The following SHCBP1L variants were observed in gnomAD, a reference collection of about 807,000 sequenced individuals.
SHCBP1L encodes testicular spindle-associated protein SHCBP1L.
A neutral mutation model predicts 62.5 loss-of-function variants in SHCBP1L; 67 were observed. The observed-to-expected ratio is 1.07, with a 90% CI of 0.88 to 1.31. The LOEUF (loss-of-function observed/expected upper bound fraction) is 1.31. SHCBP1L is among the 40% of genes most tolerant of loss of function. The probability of loss-of-function intolerance (pLI) is 0.00; values close to 1 mark genes in which losing one functional copy is unlikely to be tolerated. For synonymous variants in SHCBP1L, 284 were observed against 289.4 expected (o/e 0.98, Z 0.19); for missense variants, 823 against 809.8 (o/e 1.02, Z -0.20).
intron 5 of SHCBP1L, among the ~76,000 whole-genome samples, chr1:182,931,247 A>C (rs1359839430): frequency 6.7e-6 from 1 of 149,674 alleles, no homozygotes; most frequent in Non-Finnish European, 1.5e-5. Context: ...CCATTCATAC[A>C]CTTTTTTTTT....
Position 182,953,000 on chromosome 1 carries a change from A to ATCGCGGTGCCCTTCAGGGTGG in SHCBP1L, c.113_133dup (p.Thr38_Ala44dup). Reference sequence around the variant, plus strand: ...GGAGGCCACCACCGACCGCACTGGGATCGCGGTGCCCTTCAGGGTGGTCGC... The same window carrying ATCGCGGTGCCCTTCAGGGTGG: ...GGAGGCCACCACCGACCGCACTGGGATCGCGGTGCCCTTCAGGGTGGTCGCGGTGCCCTTCAGGGTGGTCGC... On this transcript the variant is annotated inframe_insertion, in exon 1 of 10. Transcript: ENST00000367547. 2 of 1,543,016 alleles carry ATCGCGGTGCCCTTCAGGGTGG rather than the reference A, an allele frequency of 1.3e-6. No homozygotes were observed. The highest frequency in any genetic ancestry group is 1.7e-6 in the Non-Finnish European group (2 of 1,148,074).
At chr1:182,921,227 T>A (rs545052901) in intron 6 of SHCBP1L, among the ~76,000 whole-genome samples, 1 of 152,100 alleles carries the variant, frequency 6.6e-6, no homozygotes, top group African/African-American at 2.4e-5. Flanking sequence ...CATTCAGCAA[T>A]CTTAAAGAAA....
intron 6 of SHCBP1L, among the ~76,000 whole-genome samples, chr1:182,924,161 C>T (rs1650602231): frequency 6.6e-6 from 1 of 152,038 alleles, no homozygotes; most frequent in South Asian, 2.1e-4. Context: ...AAATAAAATA[C>T]CTAGGAATAC....
intron 6 of SHCBP1L, among the ~76,000 whole-genome samples, chr1:182,913,362 T>C (rs776969402): frequency 6.6e-6 from 1 of 152,120 alleles, no homozygotes; most frequent in Non-Finnish European, 1.5e-5. Flanking sequence ...CTATCTACTG[T>C]ATGCTGAAAT....
At chr1:182,912,161 G>A (rs369791466) in intron 6 of SHCBP1L, among the ~76,000 whole-genome samples, 3 of 152,116 alleles carry the variant, frequency 2.0e-5, no homozygotes, top group African/African-American at 4.8e-5. Flanking sequence ...ACCAGATTCC[G>A]CCAGGCACGG....
At chr1:182,936,182 C>T (rs1371284712) in intron 5 of SHCBP1L, among the ~76,000 whole-genome samples, 2 of 119,524 alleles carry the variant, frequency 1.7e-5, no homozygotes, top group African/African-American at 6.4e-5. Context: ...GTCACCCAGG[C>T]TGGAGTGCAG....
chr1:182,933,056 C>A (rs921230121), intron 5 of SHCBP1L, among the ~76,000 whole-genome samples: 24 of 152,082 alleles, frequency 1.6e-4, no homozygotes, highest in Non-Finnish European at 4.4e-5. Flanking sequence ...CAGGCACACA[C>A]CACCACACCT....
rs538395733 is a variant in SHCBP1L at position 182,951,633 on chromosome 1, T to G, written c.406-166A>C. Among the ~76,000 whole-genome samples, 6 of 152,058 alleles carry G rather than the reference T, an allele frequency of 3.9e-5. No homozygotes were observed. The South Asian group carries it at 1.2e-3, about 32-fold the overall frequency. On this transcript the variant is annotated intron_variant, in intron 1 of 9. Transcript: ENST00000367547. ...AGATTTTAACTGAAACCGCATCTAG[T>G]GGAAAACATCACCAACAAAAAATTA...
At chr1:182,915,932 G>A (rs1452165923) in intron 6 of SHCBP1L, among the ~76,000 whole-genome samples, 1 of 151,200 alleles carries the variant, frequency 6.6e-6, no homozygotes, top group Admixed American at 6.6e-5. Context: ...TCAGCCTCTC[G>A]AGTAGCTGGG....
At chr1:182,915,932 G>T (rs1452165923) in intron 6 of SHCBP1L, among the ~76,000 whole-genome samples, 4 of 151,200 alleles carry the variant, frequency 2.6e-5, no homozygotes. Flanking sequence ...TCAGCCTCTC[G>T]AGTAGCTGGG....
chr1:182,952,888 T>G lies in SHCBP1L; in HGVS notation c.246A>C (p.Gly82=). Residue 82 remains glycine (G), a synonymous_variant, in exon 1 of 10, where the codon GGA becomes GGC. Coordinates refer to ENST00000367547, the MANE Select transcript of SHCBP1L (RefSeq NM_030933.4). The stretch of plus-strand genomic sequence containing the variant: ...CCTCCGCCGCCGCCGCCGCCGCCTC[T>G]CCCGTGTCCTCGGCCTGAGCCGCGG... ...RLPAAQAEDT[G]EAAAAAAEEP... is the part of the protein sequence containing the mutation. 6.3e-7 allele frequency: 1 copy of G among 1,590,930 alleles called. No homozygotes were observed. The highest frequency in any genetic ancestry group is 8.5e-7 in the Non-Finnish European group (1 of 1,169,854).
chr1:182,951,369 G>A lies in SHCBP1L; in HGVS notation c.504C>T (p.Phe168=). 1 of 1,607,600 alleles carries A rather than the reference G, an allele frequency of 6.2e-7. No individual in the cohort carries two copies. Among genetic ancestry groups the A allele is most frequent in the East Asian group, 2.2e-5 (1 of 44,650 alleles). The change falls in exon 2 of 10, where the codon TTC becomes TTT. Residue 168 remains phenylalanine (F), a synonymous_variant. Coordinates refer to ENST00000367547, the MANE Select transcript of SHCBP1L (RefSeq NM_030933.4). ...LGVWKTNPSV[F]FVKYEEASIP... is the part of the protein sequence containing the mutation. ...TAGAAGCTTCTTCATATTTCACAAA[G>A]AATACACTGGGATTAGTCTTCCAGA... is the stretch of plus-strand genomic sequence containing the variant.
intron 1 of SHCBP1L, 126 bp downstream of exon 1, chr1:182,952,603 T>C (rs2101965054): frequency 2.5e-6 from 3 of 1,185,388 alleles, no homozygotes; most frequent in Middle Eastern, 2.0e-4. Flanking sequence ...TCCATTTACT[T>C]TTTTGAAACG....
chr1:182,933,435 CTT>C (rs1409036404), intron 5 of SHCBP1L, among the ~76,000 whole-genome samples: 1 of 152,104 alleles, frequency 6.6e-6, no homozygotes, highest in African/African-American at 2.4e-5. Context: ...AAAAACATCT[CTT>C]CTTTCACCAC....
chr1:182,952,221 T>C (rs1558007604), intron 1 of SHCBP1L, among the ~76,000 whole-genome samples: 7 of 63,842 alleles, frequency 1.1e-4, no homozygotes, highest in African/African-American at 6.5e-4. Flanking sequence ...TATATATATA[T>C]ATATATATAT....
rs1424280079 is a variant in SHCBP1L, at chr1:182,953,035, GT to G, written c.98del (p.Asp33AlafsTer8). The G allele has an allele frequency of 1.3e-6, 2 of 1,544,604 alleles. No individual in the cohort carries two copies. Among genetic ancestry groups the G allele is most frequent in the Non-Finnish European group, 1.7e-6 (2 of 1,150,232 alleles). Reference sequence around the variant, plus strand: ...CCTTCAGGGTGGTCGCGGCCGCCGTGTCCCCGGAGACAGCGGAGGCGGACTT... The same window carrying G: ...CCTTCAGGGTGGTCGCGGCCGCCGTGCCCCGGAGACAGCGGAGGCGGACTT... Reference protein sequence around the residue: ...GEKSASAVSGDTAAATTLKGT... With the variant: ...GEKSASAVSGXTAAATTLKGT... On this transcript the variant is annotated frameshift_variant, in exon 1 of 10. Transcript: ENST00000367547. LOFTEE classifies it high-confidence loss of function.
Position 182,952,911 on chromosome 1 carries a change from C to T in SHCBP1L, c.223G>A (p.Ala75Thr). Residue 75 changes from alanine to threonine, a missense_variant, in exon 1 of 10, where the codon GCG (alanine) becomes ACG (threonine). Coordinates refer to ENST00000367547, the MANE Select transcript of SHCBP1L (RefSeq NM_030933.4). Reference sequence around the variant, plus strand: ...TCTCCCGTGTCCTCGGCCTGAGCCGCGGGCAGGCGCTGGAGCCGCAGCCTG... The same window carrying T: ...TCTCCCGTGTCCTCGGCCTGAGCCGTGGGCAGGCGCTGGAGCCGCAGCCTG... The part of the protein sequence containing the change: ...TARLRLQRLP[A>T]AQAEDTGEAA... 6.4e-7 allele frequency: 1 copy of T among 1,571,496 alleles called. No homozygotes were observed. Among genetic ancestry groups the T allele is most frequent in the Non-Finnish European group, 8.6e-7 (1 of 1,159,498 alleles).
rs376709717 is a variant in SHCBP1L, at chr1:182,952,697, G to A, written c.405+32C>T. 1.9e-6 allele frequency: 3 copies of A among 1,562,192 alleles called. No homozygotes were observed. The Admixed American group carries it at 5.4e-5, about 28-fold the overall frequency. ...TGTCCCCAGGTTCCGACGAGCTTCC[G>A]ACCGTAGTCTTCCTGTCCCGGATCC... On this transcript the variant is annotated intron_variant, in intron 1 of 9. Transcript: ENST00000367547.
intron 5 of SHCBP1L, among the ~76,000 whole-genome samples, chr1:182,930,628 A>T: frequency 1.1e-5 from 1 of 89,436 alleles, no homozygotes; most frequent in Non-Finnish European, 2.2e-5. Flanking sequence ...TTTTTTATTA[A>T]AGACAGGGTC....
Sources: gnomAD v4.1 joint callset for allele counts (sites outside exome capture counted in the v4.1 genomes callset) on GRCh38, gnomAD v4.1.1 for gene constraint, MANE v1.5 for transcripts, NCBI Gene and HGNC (gene_info 2026-07-23, HGNC 2026-07-21) for gene names.